DPT: variants seen among roughly 807,000 people sequenced by gnomAD.
DPT encodes the protein tyrosine-rich acidic matrix protein.
A neutral mutation model predicts 31.2 loss-of-function variants in DPT; 21 were observed. The observed-to-expected ratio is 0.67, with a 90% confidence interval of 0.48 to 0.97. The LOEUF is 0.97. Ranked by LOEUF, DPT falls within the 50% of genes least tolerant of loss-of-function variation. The pLI, the probability that DPT is intolerant of heterozygous loss-of-function variation, is 0.00. For synonymous variants in DPT, 91 were observed against 86.9 expected, an observed-to-expected ratio of 1.05 and a Z score of -0.26; for missense variants, 262 against 258.8, an observed-to-expected ratio of 1.01 and a Z score of -0.08.
At chr1:168,699,599 T>TAAAA (rs35423002) in intron 3 of DPT, among the ~76,000 whole-genome samples, 4 of 147,646 alleles carry the variant, frequency 2.7e-5, no homozygotes, top group African/African-American at 9.9e-5. Context: ...TTTTTTTTTT[T>TAAAA]AAAAAAAAAA....
At chr1:168,728,557 T>C (rs529576243) in intron 1 of DPT, among the ~76,000 whole-genome samples, 75 of 152,244 alleles carry the variant, frequency 4.9e-4, no homozygotes, top group African/African-American at 1.8e-3. Flanking sequence ...CTTTTGGTAG[T>C]CTGGTAAGCA....
At chr1:168,717,779 T>C (rs945796718) in intron 1 of DPT, among the ~76,000 whole-genome samples, 3 of 152,206 alleles carry the variant, frequency 2.0e-5, no homozygotes, top group African/African-American at 7.2e-5. Context: ...TGCATATGAC[T>C]GATGTAGCCT....
At chr1:168,723,746 T>C (rs1650172589) in intron 1 of DPT, among the ~76,000 whole-genome samples, 1 of 152,236 alleles carries the variant, frequency 6.6e-6, no homozygotes, top group Admixed American at 6.5e-5. Context: ...AGGAGGTTGC[T>C]CTAGATTGTG....
intron 1 of DPT, among the ~76,000 whole-genome samples, 165 bp from the exon 2 acceptor site, chr1:168,714,511 T>A (rs1176610427): frequency 6.6e-6 from 1 of 152,246 alleles, no homozygotes; most frequent in African/African-American, 2.4e-5. Flanking sequence ...AGAAATAACA[T>A]AGCCCCTCCA....
At chr1:168,720,469 A>T (rs985303798) in intron 1 of DPT, among the ~76,000 whole-genome samples, 1 of 152,154 alleles carries the variant, frequency 6.6e-6, no homozygotes, top group Non-Finnish European at 1.5e-5. Context: ...ACTTGCTAAG[A>T]AGTTTGGACT....
At chr1:168,724,055 A>G (rs1054654262) in intron 1 of DPT, among the ~76,000 whole-genome samples, 1 of 152,198 alleles carries the variant, frequency 6.6e-6, no homozygotes, top group Non-Finnish European at 1.5e-5. Context: ...ACTGTGCAGC[A>G]TTTAGCCCTT....
At chr1:168,702,784 G>A (rs520084) in intron 2 of DPT, among the ~76,000 whole-genome samples, 32,823 of 151,772 alleles carry the variant, frequency 0.22, 4,177 homozygotes, top group East Asian at 0.5. Flanking sequence ...GCTAATTTTT[G>A]TATTTTTAAT....
intron 1 of DPT, among the ~76,000 whole-genome samples, chr1:168,724,732 T>C (rs1650198652): frequency 6.6e-6 from 1 of 152,122 alleles, no homozygotes; most frequent in African/African-American, 2.4e-5. Flanking sequence ...ACACTGAGGC[T>C]TGGTCTTGCT....
intron 1 of DPT, among the ~76,000 whole-genome samples, chr1:168,720,170 A>G (rs963077514): frequency 1.3e-5 from 2 of 152,150 alleles, no homozygotes; most frequent in Admixed American, 1.3e-4. Flanking sequence ...GTGTGGAGTC[A>G]GTGATAATGC....
At chr1:168,697,656 C>A (rs1649493695) in intron 3 of DPT, among the ~76,000 whole-genome samples, 1 of 152,206 alleles carries the variant, frequency 6.6e-6, no homozygotes, top group African/African-American at 2.4e-5. Flanking sequence ...CTCCTGTGGT[C>A]TAATACTGTT....
At chr1:168,711,208 A>G (rs758853110) in intron 2 of DPT, among the ~76,000 whole-genome samples, 14 of 149,600 alleles carry the variant, frequency 9.4e-5, no homozygotes, top group African/African-American at 2.2e-4. Flanking sequence ...TTTAGTAGAG[A>G]ACGGGGTTTC....
chr1:168,705,200 A>G (rs981034967), intron 2 of DPT, among the ~76,000 whole-genome samples: 6 of 152,244 alleles, frequency 3.9e-5, no homozygotes, highest in Admixed American at 1.3e-4. Flanking sequence ...ACCCACCTCT[A>G]CGAGACCTTA....
At chr1:168,706,659 A>G (rs767066527) in intron 2 of DPT, among the ~76,000 whole-genome samples, 2 of 152,214 alleles carry the variant, frequency 1.3e-5, no homozygotes, top group Non-Finnish European at 2.9e-5. Context: ...ATAAAAACAA[A>G]TGTCCATGTC....
At chr1:168,697,458 T>C (rs752986110) in intron 3 of DPT, among the ~76,000 whole-genome samples, 1 of 152,210 alleles carries the variant, frequency 6.6e-6, no homozygotes, top group African/African-American at 2.4e-5. Flanking sequence ...CATTCTGGCA[T>C]CACAAGAATT....
intron 1 of DPT, among the ~76,000 whole-genome samples, chr1:168,726,475 C>A (rs769033158): frequency 6.6e-6 from 1 of 152,186 alleles, no homozygotes; most frequent in Non-Finnish European, 1.5e-5. Context: ...CTCTGTGGAG[C>A]CTTCAGAGAT....
chr1:168,714,348 T>A lies in DPT; in HGVS notation c.306-2A>T, dbSNP rs1303358373. On this transcript the variant is annotated splice_acceptor_variant, in intron 1 of 3. Coordinates refer to ENST00000367817, the MANE Select transcript of DPT (RefSeq NM_001937.5). LOFTEE classifies it high-confidence loss of function. ...CCATTGTTGGAGCACGTCTGGTACC[T>A]GAAGAGAAGACAACCCCAGGAACCT... The A allele has an allele frequency of 6.2e-7, 1 of 1,614,104 alleles. No individual in the cohort carries two copies. The highest frequency in any genetic ancestry group is 2.2e-5 in the East Asian group (1 of 44,882).
At chr1:168,716,427 C>G (rs778581641) in intron 1 of DPT, among the ~76,000 whole-genome samples, 1 of 151,446 alleles carries the variant, frequency 6.6e-6, no homozygotes, top group Non-Finnish European at 1.5e-5. Context: ...GCTATAGGGG[C>G]TCAGTAATGC....
chr1:168,707,434 G>C (rs1273898029), intron 2 of DPT, among the ~76,000 whole-genome samples: 1 of 152,126 alleles, frequency 6.6e-6, no homozygotes, highest in African/African-American at 2.4e-5. Flanking sequence ...GATTTGGTTT[G>C]TAACTGAGAG....
intron 1 of DPT, among the ~76,000 whole-genome samples, chr1:168,723,924 A>G (rs1342860568): frequency 1.3e-5 from 2 of 152,196 alleles, no homozygotes; most frequent in Non-Finnish European, 2.9e-5. Flanking sequence ...AGGTTCCTCT[A>G]ATGTTAATTT....
Sources: allele counts gnomAD v4.1 joint callset (sites outside exome capture counted in the v4.1 genomes callset), GRCh38; gene constraint gnomAD v4.1.1; transcripts MANE v1.5; gene names NCBI Gene and HGNC (gene_info 2026-07-23, HGNC 2026-07-21).